Variants in SALL2 observed in about 807,000 individuals in gnomAD.
SALL2 encodes sal-like protein 2.
A neutral mutation model predicts 58.5 loss-of-function variants in SALL2; 32 were observed. That is an observed-to-expected ratio of 0.55 (90% CI 0.41 to 0.74). The LOEUF (loss-of-function observed/expected upper bound fraction) is 0.74, where lower values mean the gene tolerates loss of function less well. Ranked by LOEUF, SALL2 falls within the 30% of genes least tolerant of loss-of-function variation. The pLI, the probability that SALL2 is intolerant of heterozygous loss-of-function variation, is 0.00. For synonymous variants in SALL2, 516 were observed against 513.6 expected, an observed-to-expected ratio of 1.00 and a Z score of -0.06; for missense variants, 1,201 against 1,268.9, an observed-to-expected ratio of 0.95 and a Z score of 0.81.
At position 21,523,249 on chromosome 14, in the gene SALL2, T is replaced by C. The variant is rs966254159; in HGVS notation, c.2473A>G (p.Ser825Gly). The change falls in exon 2 of 2, where the codon AGT becomes GGT. Residue 825 changes from serine to glycine, a missense_variant. This residue lies in a region of SALL2 where 675 missense variants were observed against 683.8 expected (regional missense o/e 0.99). Coordinates refer to ENST00000537235, the MANE Select transcript of SALL2 (RefSeq NM_001364564.1). This position sits in a 1 kb window ranked among gnomAD's most constrained non-coding sequence, Gnocchi z 4.4. ...GACTGTTGAGTAGTTTTCTCATTAC[T>C]GTCCATCTCCTTCCCAGCTGTGGCT... ...AAATAGKEMD[S>G]NEKTTQQSSL... 7.4e-6 allele frequency: 12 copies of C among 1,613,832 alleles called. No homozygotes were observed. The Admixed American group carries it at 2.0e-4, about 27-fold the overall frequency.
chr14:21,525,250 G>A lies in SALL2; in HGVS notation c.472C>T (p.Pro158Ser). ...TPLPPESTPA[P>S]PPPPPPPPPP... ...GGAGGGGGTGGTGGAGGAGGAGGGG[G>A]TGCAGGGGTCGATTCTGGAGGTAAT... Residue 158 changes from proline (P) to serine (S), a missense_variant, in exon 2 of 2, where the codon CCC becomes TCC. Physicochemically the swap from Pro to Ser is moderately conservative, Grantham distance 74. This residue lies in a region of SALL2 where 467 missense variants were observed against 468.9 expected (regional missense o/e 1.00). Transcript: ENST00000537235. This position sits in a 1 kb window ranked among gnomAD's most constrained non-coding sequence, Gnocchi z 4.4. 6.2e-7 allele frequency: 1 copy of A among 1,612,148 alleles called. No individual in the cohort carries two copies. Among genetic ancestry groups the A allele is most frequent in the Non-Finnish European group, 8.5e-7 (1 of 1,178,930 alleles).
At position 21,525,653 on chromosome 14, in the gene SALL2, A is replaced by G. The variant is rs776405001; in HGVS notation, c.69T>C (p.Gly23=). ...GGGGGTGATCCTCCTCGCTAGCATCACCTGGGGAGAAGACAAGGAGAGAGA... is the reference window on the plus strand; with the variant it reads ...GGGGGTGATCCTCCTCGCTAGCATCGCCTGGGGAGAAGACAAGGAGAGAGA... ...VPCGEPAELG[G]DASEEDHPQV... The change falls in exon 2 of 2, where the codon GGT becomes GGC. Residue 23 remains glycine, a splice_region_variant and synonymous_variant. Transcript: ENST00000537235. The surrounding 1 kb of genome is among the most constrained non-coding windows in gnomAD (Gnocchi z 4.4). The G allele has an allele frequency of 6.4e-7, 1 of 1,564,048 alleles. No individual in the cohort carries two copies. The highest frequency in any genetic ancestry group is 8.7e-7 in the Non-Finnish European group (1 of 1,152,276).
In SALL2 at chr14:21,523,193, G is replaced by A. The variant is rs747695995; in HGVS notation, c.2529C>T (p.Ser843=). The change falls in exon 2 of 2, where the codon AGC becomes AGT. Residue 843 remains serine (S), a synonymous_variant. Coordinates refer to ENST00000537235, the MANE Select transcript of SALL2 (RefSeq NM_001364564.1). This position sits in a 1 kb window ranked among gnomAD's most constrained non-coding sequence, Gnocchi z 4.4. ...GCTCCATTGGCTGAGGCTGATCCAG[G>A]CTGTCAGGTGGTGGTGGTGGTGGCA... is the stretch of plus-strand genomic sequence containing the variant. ...SSLPPPPPPD[S]LDQPQPMEQG... 1.9e-6 allele frequency: 3 copies of A among 1,614,128 alleles called. No homozygotes were observed. The highest frequency in any genetic ancestry group is 2.5e-6 in the Non-Finnish European group (3 of 1,180,046).
In SALL2 at chr14:21,524,054, T is replaced by G. The variant is rs777678129; in HGVS notation, c.1668A>C (p.Pro556=). ...AGTGGTTGGTAAGCAGTGCCCAGCT[T>G]GGTAGTGAAGTCACCAACTTACTTA... ...MQLSKLVTSL[P]SWALLTNHFK... is the part of the protein sequence containing the mutation. The change falls in exon 2 of 2, where the codon CCA becomes CCC. Residue 556 remains proline (P), a synonymous_variant. Transcript: ENST00000537235. 1 of 1,614,182 alleles carries G rather than the reference T, an allele frequency of 6.2e-7. No homozygotes were observed. Among genetic ancestry groups the G allele is most frequent in the East Asian group, 2.2e-5 (1 of 44,886 alleles).
chr14:21,524,163 T>A lies in SALL2; in HGVS notation c.1559A>T (p.Lys520Ile), dbSNP rs1354740879. 1 of 1,612,520 alleles carries A rather than the reference T, an allele frequency of 6.2e-7. No individual in the cohort carries two copies. The highest frequency in any genetic ancestry group is 8.5e-7 in the Non-Finnish European group (1 of 1,179,220). Residue 520 changes from lysine to isoleucine, a missense_variant, in exon 2 of 2, where the codon AAA (lysine) becomes ATA (isoleucine). By Grantham distance (102) the Lys-to-Ile change is moderately radical (BLOSUM62 -3). This residue lies in a region of SALL2 where 675 missense variants were observed against 683.8 expected (regional missense o/e 0.99). Coordinates refer to ENST00000537235, the MANE Select transcript of SALL2 (RefSeq NM_001364564.1). ...VLMKAVEPKN[K>I]ADENTPPGSE... Reference sequence around the variant, plus strand: ...CCCTGGGGGGGTGTTTTCATCAGCTTTATTCTTGGGTTCCACTGCTTTCAT... The same window carrying A: ...CCCTGGGGGGGTGTTTTCATCAGCTATATTCTTGGGTTCCACTGCTTTCAT...
intron 1 of SALL2, among the ~76,000 whole-genome samples, chr14:21,536,229 T>C (rs1232373291): frequency 6.6e-6 from 1 of 152,244 alleles, no homozygotes; most frequent in Non-Finnish European, 1.5e-5. Flanking sequence ...TTTTGTTTTT[T>C]GCTTTGCTTT....
Position 21,525,771 on chromosome 14 carries a change from A to G in SALL2, c.68-117T>C. The G allele has an allele frequency of 8.9e-7, 1 of 1,120,390 alleles. No homozygotes were observed. Among genetic ancestry groups the G allele is most frequent in the Non-Finnish European group, 1.2e-6 (1 of 815,414 alleles). 69.4% of individuals were successfully genotyped at this position (1,120,390 alleles called of 1,614,324 possible). ...TTGGGGGTGGGGAGATGAGCTCACC[A>G]TCAGGGCCATGCAGAAGTCTAGAGC... On this transcript the variant is annotated intron_variant, in intron 1 of 1. Coordinates refer to ENST00000537235, the MANE Select transcript of SALL2 (RefSeq NM_001364564.1). This position sits in a 1 kb window ranked among gnomAD's most constrained non-coding sequence, Gnocchi z 4.4.
intron 1 of SALL2, among the ~76,000 whole-genome samples, chr14:21,532,678 T>C (rs1447129847): frequency 6.7e-6 from 1 of 149,968 alleles, no homozygotes; most frequent in African/African-American, 2.5e-5. Context: ...AATAAGGGAG[T>C]TGGGGCTGGG....
intron 1 of SALL2, among the ~76,000 whole-genome samples, chr14:21,532,325 G>T (rs1188354323): frequency 6.6e-6 from 1 of 152,134 alleles, no homozygotes; most frequent in Non-Finnish European, 1.5e-5. Flanking sequence ...TGGGAGAATG[G>T]GGATTTATTG....
chr14:21,530,280 T>C (rs1892423914), upstream of SALL2, among the ~76,000 whole-genome samples: 1 of 133,400 alleles, frequency 7.5e-6, no homozygotes, highest in Admixed American at 7.6e-5. Flanking sequence ...TTTTTTTCTT[T>C]CTTTTTTTTT....
intron 1 of SALL2, among the ~76,000 whole-genome samples, chr14:21,536,204 ACTT>A (rs1892592276): frequency 6.6e-6 from 1 of 152,276 alleles, no homozygotes; most frequent in East Asian, 1.9e-4. Context: ...ATTTTCTTGC[ACTT>A]CTTTTGTTTT....
chr14:21,524,094 G>C lies in SALL2; in HGVS notation c.1628C>G (p.Ala543Gly). The change falls in exon 2 of 2, where the codon GCA becomes GGA. Residue 543 changes from alanine (A) to glycine (G), a missense_variant. By Grantham distance (60) the Ala-to-Gly change is moderately conservative (BLOSUM62 0). This residue lies in a region of SALL2 where 675 missense variants were observed against 683.8 expected (regional missense o/e 0.99). Coordinates refer to ENST00000537235, the MANE Select transcript of SALL2 (RefSeq NM_001364564.1). ...AISGVAESST[A>G]TRMQLSKLVT... ...CAACTTACTTAGTTGCATGCGAGTT[G>C]CCGTGCTACTTTCTGCCACTCCACT... 1 of 1,614,058 alleles carries C rather than the reference G, an allele frequency of 6.2e-7. No homozygotes were observed. Among genetic ancestry groups the C allele is most frequent in the South Asian group, 1.1e-5 (1 of 91,064 alleles).
At chr14:21,532,551 G>C (rs1341165613) in intron 1 of SALL2, among the ~76,000 whole-genome samples, 1 of 152,204 alleles carries the variant, frequency 6.6e-6, no homozygotes, top group African/African-American at 2.4e-5. Flanking sequence ...TGAGGCAGGA[G>C]AATCTCTTGA....
In SALL2 at chr14:21,523,179, T is replaced by G; in HGVS notation, c.2543A>C (p.Gln848Pro). ...ACCACTGCTTCCCTGCTCCATTGGC[T>G]GAGGCTGATCCAGGCTGTCAGGTGG... ...PPPPDSLDQP[Q>P]PMEQGSSGVL... The change falls in exon 2 of 2, where the codon CAG becomes CCG. Residue 848 changes from glutamine to proline, a missense_variant. Physicochemically the swap from Gln to Pro is moderately conservative, Grantham distance 76. Around this residue, in one of 3 missense-constraint regions of SALL2, gnomAD observed 675 missense variants for 683.8 expected, o/e 0.99. Transcript: ENST00000537235. The surrounding 1 kb of genome is among the most constrained non-coding windows in gnomAD (Gnocchi z 4.4). 1 of 1,614,226 alleles carries G rather than the reference T, an allele frequency of 6.2e-7. No individual in the cohort carries two copies. The highest frequency in any genetic ancestry group is 2.2e-5 in the East Asian group (1 of 44,882).
In SALL2 at chr14:21,524,973, T is replaced by C. The variant is rs757291482; in HGVS notation, c.749A>G (p.Lys250Arg). ...FSPIKPVQTS[K>R]TLASSSSSSS... ...GGAGGAGGAGGAAGATGCCAGTGTC[T>C]TGCTGGTTTGGACAGGCTTGATGGG... Residue 250 changes from lysine to arginine, a missense_variant, in exon 2 of 2, where the codon AAG (lysine) becomes AGG (arginine). Physicochemically the swap from Lys to Arg is conservative, Grantham distance 26. Around this residue, in one of 3 missense-constraint regions of SALL2, gnomAD observed 467 missense variants for 468.9 expected, o/e 1.00. Transcript: ENST00000537235. 2 of 1,613,996 alleles carry C rather than the reference T, an allele frequency of 1.2e-6. No individual in the cohort carries two copies. Among genetic ancestry groups the C allele is most frequent in the South Asian group, 2.2e-5 (2 of 91,052 alleles).
chr14:21,526,035 G>T (rs1244668972), intron 1 of SALL2, 26 bp downstream of exon 1: 1 of 1,401,734 alleles, frequency 7.1e-7, no homozygotes, highest in Non-Finnish European at 9.8e-7. Context: ...CCCCACCCCT[G>T]CCCAGCCCGA....
rs1892254011 is a variant in SALL2 at position 21,525,406 on chromosome 14, T to C, written c.316A>G (p.Thr106Ala). The part of the protein sequence containing the change: ...NPPDSGSSVP[T>A]DPTWGPERRG... ...CTCTCTGGGCCCCAGGTGGGATCCG[T>C]GGGCACGGAGGACCCAGAATCTGGG... The change falls in exon 2 of 2, where the codon ACG becomes GCG. Residue 106 changes from threonine to alanine, a missense_variant. Physicochemically the swap from Thr to Ala is moderately conservative, Grantham distance 58 (BLOSUM62 0). Transcript: ENST00000537235. The surrounding 1 kb of genome is among the most constrained non-coding windows in gnomAD (Gnocchi z 4.4). 1 of 1,613,980 alleles carries C rather than the reference T, an allele frequency of 6.2e-7. No individual in the cohort carries two copies. The highest frequency in any genetic ancestry group is 1.6e-4 in the Middle Eastern group (1 of 6,062).
chr14:21,523,084 C>G lies in SALL2; in HGVS notation c.2638G>C (p.Glu880Gln). The G allele has an allele frequency of 6.2e-7, 1 of 1,614,184 alleles. No individual in the cohort carries two copies. Among genetic ancestry groups the G allele is most frequent in the Non-Finnish European group, 8.5e-7 (1 of 1,180,038 alleles). ...SSSPASALTP[E>Q]GEATSVTLVE... ...AAGGTCACGCTGGTGGCTTCCCCTTCTGGGGTGAGTGCTGATGCCGGACTT... is the reference window on the plus strand; with the variant it reads ...AAGGTCACGCTGGTGGCTTCCCCTTGTGGGGTGAGTGCTGATGCCGGACTT... Residue 880 changes from glutamate to glutamine, a missense_variant, in exon 2 of 2, where the codon GAA (glutamate) becomes CAA (glutamine). Physicochemically the swap from Glu to Gln is conservative, Grantham distance 29. Coordinates refer to ENST00000537235, the MANE Select transcript of SALL2 (RefSeq NM_001364564.1). This position sits in a 1 kb window ranked among gnomAD's most constrained non-coding sequence, Gnocchi z 4.4.
rs138838477 is a variant in SALL2, at chr14:21,523,926, C to T, written c.1796G>A (p.Arg599Gln). Residue 599 changes from arginine to glutamine, a missense_variant, in exon 2 of 2, where the codon CGG becomes CAG. Physicochemically the swap from Arg to Gln is conservative, Grantham distance 43. Coordinates refer to ENST00000537235, the MANE Select transcript of SALL2 (RefSeq NM_001364564.1). This position sits in a 1 kb window ranked among gnomAD's most constrained non-coding sequence, Gnocchi z 4.4. ...TGAGGTCACCGCCACAGCTCCTTGC[C>T]GGTCAATCTTTTCTACCAGTTGCTG... ...KLQQLVEKID[R>Q]QGAVAVTSAA... The T allele has an allele frequency of 1.1e-5, 17 of 1,614,078 alleles. No individual in the cohort carries two copies. The African/African-American group carries it at 1.2e-4, about 11-fold the overall frequency.
Sources: allele counts gnomAD v4.1 joint callset (sites outside exome capture counted in the v4.1 genomes callset), GRCh38; gene constraint gnomAD v4.1.1; regional missense constraint gnomAD v4.1.1; non-coding constraint Gnocchi (gnomAD v3.1); transcripts MANE v1.5; gene names NCBI Gene and HGNC (gene_info 2026-07-23, HGNC 2026-07-21).